Variants in RALYL observed in about 807,000 individuals in gnomAD.
RALYL encodes RNA-binding Raly-like protein.
A neutral mutation model predicts 35.1 loss-of-function variants in RALYL; 29 were observed. That is an observed-to-expected ratio of 0.83 (90% CI 0.61 to 1.13). The LOEUF (loss-of-function observed/expected upper bound fraction) is 1.13. Among genes scored for constraint, RALYL ranks in the 50% most tolerant of loss-of-function variants. The probability of loss-of-function intolerance (pLI) is 0.00; values close to 1 mark genes in which losing one functional copy is unlikely to be tolerated. For missense variants in RALYL, 359 were observed against 360.4 expected (o/e 1.00, Z 0.03); for synonymous variants, 120 against 127.6 (o/e 0.94, Z 0.40).
intron 3 of RALYL, 99 bp from the exon 4 acceptor site, chr8:84,804,671 C>G: frequency 2.0e-6 from 1 of 511,186 alleles, no homozygotes; most frequent in Non-Finnish European, 3.0e-6. Flanking sequence ...GCATTTTCAT[C>G]CAAACAAGTA....
intron 2 of RALYL, among the ~76,000 whole-genome samples, chr8:84,638,346 G>A (rs964387736): frequency 2.6e-5 from 4 of 151,812 alleles, no homozygotes; most frequent in African/African-American, 7.3e-5. Context: ...TTAAATACCT[G>A]CATCAAAGTC....
chr8:84,766,835 T>C (rs1400182282), intron 2 of RALYL, among the ~76,000 whole-genome samples: 1 of 151,760 alleles, frequency 6.6e-6, no homozygotes, highest in African/African-American at 2.4e-5. Flanking sequence ...CCCAAAGTTA[T>C]GCCTTTTGGT....
chr8:84,825,455 TA>T (rs1829467889), intron 4 of RALYL, among the ~76,000 whole-genome samples: 1 of 152,104 alleles, frequency 6.6e-6, no homozygotes, highest in South Asian at 2.1e-4. Flanking sequence ...TCAAAGAACT[TA>T]AAATATAACG....
chr8:84,602,437 CTGAATTACTG>C, intron 2 of RALYL, among the ~76,000 whole-genome samples: 3 of 152,186 alleles, frequency 2.0e-5, no homozygotes, highest in Admixed American at 2.0e-4. Flanking sequence ...TATTTCTCAT[CTGAATTACTG>C]CAGTCAGACC....
intron 2 of RALYL, among the ~76,000 whole-genome samples, chr8:84,644,208 A>C (rs1047512542): frequency 1.3e-5 from 2 of 152,016 alleles, no homozygotes; most frequent in Admixed American, 1.3e-4. Flanking sequence ...GAGACTAGGG[A>C]AAAAAGGGAA....
At chr8:84,862,084 A>AAAGTCC (rs1405615051) in intron 5 of RALYL, among the ~76,000 whole-genome samples, 2 of 152,258 alleles carry the variant, frequency 1.3e-5, no homozygotes, top group East Asian at 3.8e-4. Context: ...GTCACACTCT[A>AAAGTCC]AAGTCCAGAA....
intron 2 of RALYL, among the ~76,000 whole-genome samples, chr8:84,606,254 G>A (rs1199726767): frequency 6.6e-6 from 1 of 152,070 alleles, no homozygotes. Context: ...CTGATAATTG[G>A]TCTGCAGCAG....
intron 2 of RALYL, among the ~76,000 whole-genome samples, chr8:84,685,415 G>A (rs543711469): frequency 8.6e-5 from 13 of 151,804 alleles, no homozygotes; most frequent in African/African-American, 2.7e-4. Flanking sequence ...CCCCACCATC[G>A]TCTCCACTAC....
intron 1 of RALYL, among the ~76,000 whole-genome samples, chr8:84,485,547 C>A (rs1336059920): frequency 6.6e-6 from 1 of 152,106 alleles, no homozygotes; most frequent in Non-Finnish European, 1.5e-5. Context: ...TGCCACTATA[C>A]TCCAGCCTAG....
At chr8:84,717,326 T>G (rs920844660) in intron 2 of RALYL, among the ~76,000 whole-genome samples, 1 of 152,220 alleles carries the variant, frequency 6.6e-6, no homozygotes, top group South Asian at 2.1e-4. Context: ...AGATGCTATA[T>G]TTTTTGTACT....
chr8:84,816,333 AC>A (rs1420518537), intron 4 of RALYL, among the ~76,000 whole-genome samples: 13 of 152,354 alleles, frequency 8.5e-5, no homozygotes, highest in Admixed American at 3.9e-4. Context: ...GAAACTTTCC[AC>A]ATGAATTATT....
At chr8:84,646,655 T>A (rs1280786487) in intron 2 of RALYL, among the ~76,000 whole-genome samples, 6 of 152,106 alleles carry the variant, frequency 3.9e-5, no homozygotes, top group Non-Finnish European at 4.4e-5. Context: ...CTGTGTAATT[T>A]CTTTTATGAA....
At chr8:84,563,694 A>C (rs564921230) in intron 2 of RALYL, among the ~76,000 whole-genome samples, 1 of 151,892 alleles carries the variant, frequency 6.6e-6, no homozygotes, top group Non-Finnish European at 1.5e-5. Flanking sequence ...CTGTGGTTAA[A>C]GATAATGTTT....
intron 2 of RALYL, among the ~76,000 whole-genome samples, chr8:84,692,194 T>C (rs1056386938): frequency 6.6e-6 from 1 of 151,948 alleles, no homozygotes; most frequent in African/African-American, 2.4e-5. Context: ...ATGCACATTC[T>C]CACCACTTAT....
chr8:84,333,697 T>C (rs1847246444), intron 1 of RALYL, among the ~76,000 whole-genome samples: 2 of 152,200 alleles, frequency 1.3e-5, no homozygotes, highest in East Asian at 3.8e-4. Context: ...TGGCTTTCTA[T>C]AATTGAGTCA....
At chr8:84,185,525 C>CTGTGACCGA (rs1563495599) in intron 1 of RALYL, among the ~76,000 whole-genome samples, 1 of 152,084 alleles carries the variant, frequency 6.6e-6, no homozygotes, top group East Asian at 1.9e-4. Context: ...GTATTTAACA[C>CTGTGACCGA]TGTGACCGAA....
At chr8:84,538,508 T>C (rs1453351931) in intron 2 of RALYL, among the ~76,000 whole-genome samples, 1 of 152,150 alleles carries the variant, frequency 6.6e-6, no homozygotes, top group Non-Finnish European at 1.5e-5. Context: ...ACATTTGTTG[T>C]TTTAGATGCT....
chr8:84,249,879 T>TG (rs386413239), intron 1 of RALYL, among the ~76,000 whole-genome samples: 3 of 151,642 alleles, frequency 2.0e-5, no homozygotes, highest in Non-Finnish European at 4.4e-5. Flanking sequence ...TCAAAGGTTT[T>TG]TTTTTTCCTA....
intron 1 of RALYL, among the ~76,000 whole-genome samples, chr8:84,271,007 A>C (rs1472514988): frequency 6.6e-6 from 1 of 152,142 alleles, no homozygotes; most frequent in Non-Finnish European, 1.5e-5. Flanking sequence ...TGTAATCTGC[A>C]AATTATGGAT....
Sources: allele counts gnomAD v4.1 joint callset (sites outside exome capture counted in the v4.1 genomes callset), GRCh38; gene constraint gnomAD v4.1.1; transcripts MANE v1.5; gene names NCBI Gene and HGNC (gene_info 2026-07-23, HGNC 2026-07-21).